The following DMD variants were observed in gnomAD, a reference collection of about 807,000 sequenced individuals.
The protein encoded by DMD is mutant dystrophin.
A neutral mutation model predicts 330.1 loss-of-function variants in DMD; 63 were observed. The observed-to-expected ratio is 0.19, with a 90% CI of 0.16 to 0.24. DMD has a LOEUF of 0.24. Ranked by LOEUF, DMD falls within the 10% of genes least tolerant of loss-of-function variation. DMD has a pLI of 1.00. For synonymous variants in DMD, 1,223 were observed against 959.8 expected, an observed-to-expected ratio of 1.27 and a Z score of -5.07; for missense variants, 3,344 against 2,684.1, an observed-to-expected ratio of 1.25 and a Z score of -5.43.
At chrX:31,873,785 C>T (rs1286531281) in intron 48 of DMD, among the ~76,000 whole-genome samples, 1 of 111,801 alleles carries the variant, frequency 8.9e-6, no homozygotes, top group Non-Finnish European at 1.9e-5. Context: ...TACAAGGACA[C>T]TAGAAGAAGG....
Position 31,478,049 on chromosome X carries a change from G to T in DMD, c.8937+57C>A, listed in dbSNP as rs1179035723. 11 of 1,174,561 alleles carry T rather than the reference G, an allele frequency of 9.4e-6. No homozygotes were observed. The East Asian group carries it at 3.0e-4, about 32-fold the overall frequency. On this transcript the variant is annotated intron_variant, in intron 59 of 78. Transcript: ENST00000357033. ...GAAGATAACACTGCACTCAAGTTCA[G>T]ATTAGAAGCTCTTTTGAGTCTCTCA...
chrX:31,723,857 C>G (rs1317474216), intron 52 of DMD, among the ~76,000 whole-genome samples: 1 of 111,730 alleles, frequency 9.0e-6, no homozygotes, highest in East Asian at 2.8e-4. Flanking sequence ...AACTCCTCCT[C>G]TAGTTTTCTC....
chrX:32,087,226 A>G (rs1318176002), intron 44 of DMD, among the ~76,000 whole-genome samples: 1 of 111,836 alleles, frequency 8.9e-6, no homozygotes, highest in African/African-American at 3.2e-5. Flanking sequence ...AAATAATAAA[A>G]TGGATGTTGA....
At chrX:31,436,984 T>G (rs1358528991) in intron 60 of DMD, among the ~76,000 whole-genome samples, 1 of 111,880 alleles carries the variant, frequency 8.9e-6, no homozygotes, top group African/African-American at 3.2e-5. Flanking sequence ...CACATCAGAC[T>G]AGATATTATA....
chrX:32,907,913 T>C (rs751448110), intron 2 of DMD, among the ~76,000 whole-genome samples: 2 of 111,595 alleles, frequency 1.8e-5, no homozygotes, highest in South Asian at 3.7e-4. Flanking sequence ...CTTATCTTGG[T>C]CGTAAATACT....
At chrX:32,870,998 CCAT>C (rs2082949437) in intron 2 of DMD, among the ~76,000 whole-genome samples, 1 of 75,006 alleles carries the variant, frequency 1.3e-5, no homozygotes, top group Non-Finnish European at 2.5e-5. Flanking sequence ...ACCACAAAAC[CCAT>C]CATCAGAATG....
At chrX:31,134,953 C>T (rs1165148893) in intron 76 of DMD, among the ~76,000 whole-genome samples, 2 of 110,898 alleles carry the variant, frequency 1.8e-5, no homozygotes, top group Non-Finnish European at 3.8e-5. Flanking sequence ...TTTGGGAAGC[C>T]GAGGTGGGAG....
At chrX:32,389,245 T>C (rs962837561) in intron 32 of DMD, among the ~76,000 whole-genome samples, 1 of 111,406 alleles carries the variant, frequency 9.0e-6, no homozygotes, top group African/African-American at 3.3e-5. Flanking sequence ...CCATTTAAAA[T>C]ATATTTAAAG....
chrX:31,892,639 A>T (rs939884478), intron 47 of DMD, among the ~76,000 whole-genome samples: 2 of 111,809 alleles, frequency 1.8e-5, no homozygotes, highest in African/African-American at 6.5e-5. Context: ...AGGCTACATG[A>T]TATAGCCTAA....
At chrX:32,172,554 G>A in intron 44 of DMD, among the ~76,000 whole-genome samples, 1 of 111,494 alleles carries the variant, frequency 9.0e-6, no homozygotes, top group Non-Finnish European at 1.9e-5. Context: ...TTTCCAGACT[G>A]TGAAGCCTTT....
At chrX:33,041,560 A>C (rs2094301972) in intron 1 of DMD, 2 of 1,207,559 alleles carry the variant, frequency 1.7e-6, no homozygotes, top group Non-Finnish European at 2.2e-6. Flanking sequence ...GCAGGCAGAG[A>C]TCCTACAAGA....
At chrX:32,884,979 G>A (rs1290022527) in intron 2 of DMD, among the ~76,000 whole-genome samples, 1 of 111,927 alleles carries the variant, frequency 8.9e-6, no homozygotes, top group Non-Finnish European at 1.9e-5. Context: ...CCATGCCTGA[G>A]AAAATGCTGT....
At chrX:32,067,936 C>T (rs1267884036) in intron 44 of DMD, among the ~76,000 whole-genome samples, 1 of 111,860 alleles carries the variant, frequency 8.9e-6, no homozygotes, top group Non-Finnish European at 1.9e-5. Flanking sequence ...GTCCAAACTG[C>T]TTTCTACAGT....
chrX:31,815,850 G>A (rs767816478), intron 50 of DMD, among the ~76,000 whole-genome samples: 2 of 111,611 alleles, frequency 1.8e-5, no homozygotes, highest in East Asian at 2.8e-4. Flanking sequence ...AGGTCTTGTA[G>A]CTTCCACCCG....
At chrX:32,887,745 C>CAAAAAAAAAAAAAAAAAAAAAA (rs771100080) in intron 2 of DMD, among the ~76,000 whole-genome samples, 4 of 6,493 alleles carry the variant, frequency 6.2e-4, no homozygotes, top group East Asian at 3.5e-3. Context: ...AAGACTGTCT[C>CAAAAAAAAAAAAAAAAAAAAAA]AAAAAAAAAA....
chrX:32,885,705 CAAATA>C (rs2084455051), intron 2 of DMD, among the ~76,000 whole-genome samples: 1 of 107,323 alleles, frequency 9.3e-6, no homozygotes, highest in Non-Finnish European at 1.9e-5. Flanking sequence ...AATTATAAAA[CAAATA>C]AAATAGTGTT....
intron 1 of DMD, among the ~76,000 whole-genome samples, chrX:33,333,407 C>T (rs1207235938): frequency 9.0e-6 from 1 of 111,146 alleles, no homozygotes; most frequent in Non-Finnish European, 1.9e-5. Context: ...TCCCTCATTG[C>T]TCCATATTCC....
intron 30 of DMD, among the ~76,000 whole-genome samples, chrX:32,401,106 T>C (rs1274983053): frequency 9.9e-6 from 1 of 101,501 alleles, no homozygotes; most frequent in African/African-American, 3.7e-5. Context: ...CTGCATGTTC[T>C]CACTCATAGG....
chrX:31,182,011 G>A (rs1342104655), intron 68 of DMD, among the ~76,000 whole-genome samples: 1 of 112,158 alleles, frequency 8.9e-6, no homozygotes, highest in East Asian at 2.8e-4. Flanking sequence ...AGGTCAGCAG[G>A]GCTAAAGATT....
Sources: allele counts gnomAD v4.1 joint callset (sites outside exome capture counted in the v4.1 genomes callset), GRCh38; gene constraint gnomAD v4.1.1; transcripts MANE v1.5; gene names NCBI Gene and HGNC (gene_info 2026-07-23, HGNC 2026-07-21).